AFF2: variants seen among roughly 807,000 people sequenced by gnomAD.
The protein encoded by AFF2 is AF4/FMR2 family member 2.
AFF2 carries 14 observed loss-of-function variants against 76.9 expected under a neutral mutation model. That is an observed-to-expected ratio of 0.18 (90% confidence interval 0.12 to 0.28). The LOEUF (loss-of-function observed/expected upper bound fraction) is 0.28. AFF2 is among the 10% of genes least tolerant of loss of function. AFF2 has a pLI of 1.00. For missense variants in AFF2, 868 were observed against 1,001.1 expected, an observed-to-expected ratio of 0.87 and a Z score of 1.79; for synonymous variants, 398 against 366.7, an observed-to-expected ratio of 1.09 and a Z score of -0.98.
chrX:148,661,373 C>T (rs782160612), intron 2 of AFF2, among the ~76,000 whole-genome samples: 116 of 112,362 alleles, frequency 1.0e-3, no homozygotes, highest in Non-Finnish European at 1.8e-3. Flanking sequence ...CAATTAGATG[C>T]TGTTTAATTC....
chrX:148,545,942 C>A (rs1459323689), intron 1 of AFF2, among the ~76,000 whole-genome samples: 1 of 111,182 alleles, frequency 9.0e-6, no homozygotes, highest in African/African-American at 3.3e-5. Context: ...TATTTTACAC[C>A]TTGACATGAT....
intron 1 of AFF2, among the ~76,000 whole-genome samples, chrX:148,551,788 A>AG (rs2052995661): frequency 9.0e-6 from 1 of 111,557 alleles, no homozygotes; most frequent in Non-Finnish European, 1.9e-5. Flanking sequence ...GCCTGATGAG[A>AG]GGGTCTTTGT....
chrX:148,658,738 G>A (rs2054277206), intron 2 of AFF2, among the ~76,000 whole-genome samples: 1 of 112,019 alleles, frequency 8.9e-6, no homozygotes, highest in South Asian at 3.7e-4. Flanking sequence ...TATAACCTAC[G>A]AGCTTTTCCT....
intron 3 of AFF2, among the ~76,000 whole-genome samples, chrX:148,689,317 G>A (rs370560467): frequency 1.8e-5 from 2 of 111,623 alleles, no homozygotes; most frequent in South Asian, 7.6e-4. Flanking sequence ...TGAGGCAGTG[G>A]GGGTTAGGAT....
intron 1 of AFF2, among the ~76,000 whole-genome samples, chrX:148,542,608 G>T (rs1341194064): frequency 1.8e-5 from 2 of 112,059 alleles, no homozygotes; most frequent in African/African-American, 6.5e-5. Flanking sequence ...GCTGGCTGCT[G>T]GGCAGACCAC....
At chrX:148,559,841 G>T (rs2053090820) in intron 1 of AFF2, among the ~76,000 whole-genome samples, 1 of 111,400 alleles carries the variant, frequency 9.0e-6, no homozygotes, top group African/African-American at 3.3e-5. Flanking sequence ...AGATCCTTGA[G>T]GAATTGCCAC....
intron 1 of AFF2, among the ~76,000 whole-genome samples, chrX:148,559,169 G>A (rs1165312952): frequency 9.0e-6 from 1 of 111,377 alleles, no homozygotes; most frequent in African/African-American, 3.3e-5. Context: ...CATTACTAGG[G>A]TCACAACATT....
chrX:148,904,218 C>T lies in AFF2; in HGVS notation c.1360-3C>T. ...CTAATTGCATTTTTTCTTCTGTTTA[C>T]AGGCTGTTGAAAAGGCAAAACCTAG... On this transcript the variant is annotated splice_region_variant and splice_polypyrimidine_tract_variant and intron_variant, in intron 8 of 20. Coordinates refer to ENST00000370460, the MANE Select transcript of AFF2 (RefSeq NM_002025.4). 1.8e-6 allele frequency: 2 copies of T among 1,133,939 alleles called. No homozygotes were observed. The highest frequency in any genetic ancestry group is 2.4e-6 in the Non-Finnish European group (2 of 828,001). 93.4% of individuals were successfully genotyped at this position (1,133,939 alleles called of 1,213,427 possible). A position where few individuals can be genotyped will look rare whatever the true frequency, so the allele number is the denominator to read the frequency against.
rs1044766815 is a variant in AFF2, at chrX:148,992,070, C to G, written c.*738C>G. The stretch of plus-strand genomic sequence containing the variant: ...ATCAGCTGGCATCAGTGTTTTTCAA[C>G]TCCATTATTTGAAGTGTAAATCCTC... On this transcript the variant is annotated 3_prime_UTR_variant, in exon 21 of 21. Transcript: ENST00000370460. The G allele has an allele frequency of 5.4e-5, 6 of 111,906 alleles. No homozygotes were observed. Among genetic ancestry groups the G allele is most frequent in the African/African-American group, 1.9e-4 (6 of 30,772 alleles). 9.2% of individuals were successfully genotyped at this position (111,906 alleles called of 1,213,427 possible). A position where few individuals can be genotyped will look rare whatever the true frequency, so the allele number is the denominator to read the frequency against.
At chrX:148,660,555 T>C (rs2054294514) in intron 2 of AFF2, among the ~76,000 whole-genome samples, 1 of 112,145 alleles carries the variant, frequency 8.9e-6, no homozygotes, top group African/African-American at 3.2e-5. Flanking sequence ...GTTAAGGGCA[T>C]GTGAAAAATC....
chrX:148,632,667 C>T (rs1465799424), intron 1 of AFF2, among the ~76,000 whole-genome samples: 1 of 112,116 alleles, frequency 8.9e-6, no homozygotes, highest in Non-Finnish European at 1.9e-5. Context: ...AGTGAGACTG[C>T]CAGTGACCTC....
At chrX:148,540,807 T>C (rs1351123085) in intron 1 of AFF2, among the ~76,000 whole-genome samples, 1 of 112,091 alleles carries the variant, frequency 8.9e-6, no homozygotes, top group Non-Finnish European at 1.9e-5. Context: ...AATGAGATAA[T>C]TCTGAGGCTT....
chrX:148,967,731 G>T, intron 15 of AFF2, 39 bp downstream of exon 15: 2 of 1,150,677 alleles, frequency 1.7e-6, no homozygotes, highest in Non-Finnish European at 1.2e-6. Context: ...TCCTATTAAG[G>T]ATTTATGTTT....
chrX:148,961,930 A>G (rs1054485668), intron 12 of AFF2, among the ~76,000 whole-genome samples: 24 of 112,876 alleles, frequency 2.1e-4, no homozygotes, highest in African/African-American at 6.7e-4. Flanking sequence ...AGCAGCTAGC[A>G]TAAGGTTTCA....
intron 3 of AFF2, among the ~76,000 whole-genome samples, chrX:148,750,460 A>G (rs1428096902): frequency 2.7e-5 from 3 of 111,114 alleles, no homozygotes; most frequent in African/African-American, 9.9e-5. Context: ...TTTCCCTTCC[A>G]TCCCTCAGCA....
intron 3 of AFF2, among the ~76,000 whole-genome samples, chrX:148,669,621 T>G (rs1557258890): frequency 2.7e-5 from 3 of 110,941 alleles, no homozygotes; most frequent in Non-Finnish European, 5.7e-5. Flanking sequence ...TTACTGACTA[T>G]CACGAGAACA....
chrX:148,964,235 A>G (rs1318970289), intron 13 of AFF2, among the ~76,000 whole-genome samples: 3 of 112,068 alleles, frequency 2.7e-5, no homozygotes, highest in Non-Finnish European at 5.6e-5. Flanking sequence ...GCAATGAGAC[A>G]TATGCTCAAA....
At chrX:148,538,290 T>C (rs1380356593) in intron 1 of AFF2, among the ~76,000 whole-genome samples, 1 of 112,284 alleles carries the variant, frequency 8.9e-6, no homozygotes, top group African/African-American at 3.2e-5. Context: ...ACTGGACTGG[T>C]AGAAGCGTGC....
intron 4 of AFF2, among the ~76,000 whole-genome samples, chrX:148,829,722 C>T (rs1365973785): frequency 1.8e-5 from 2 of 112,168 alleles, no homozygotes; most frequent in African/African-American, 6.5e-5. Context: ...CACTCCGCCA[C>T]CTTTTAGGAA....
Sources: allele counts gnomAD v4.1 joint callset (sites outside exome capture counted in the v4.1 genomes callset), GRCh38; gene constraint gnomAD v4.1.1; transcripts MANE v1.5; gene names NCBI Gene and HGNC (gene_info 2026-07-23, HGNC 2026-07-21).